COL17A1: variants seen among roughly 807,000 people sequenced by gnomAD.
COL17A1 encodes collagen alpha-1(XVII) chain.
In COL17A1, 181 loss-of-function variants were observed where a neutral mutation model predicts 218.4. The ratio of observed to expected loss-of-function variants is 0.83; its 90% confidence interval spans 0.73 to 0.94. The LOEUF is 0.94. Among genes scored for constraint, COL17A1 ranks in the 40% least tolerant of loss-of-function variants. The probability of loss-of-function intolerance (pLI) is 0.00; values close to 1 mark genes in which losing one functional copy is unlikely to be tolerated. For missense variants in COL17A1, 1,924 were observed against 1,945.9 expected (o/e 0.99, Z 0.21); for synonymous variants, 721 against 731.0 (o/e 0.99, Z 0.22).
intron 13 of COL17A1, among the ~76,000 whole-genome samples, chr10:104,060,865 C>G (rs533133064): frequency 5.2e-4 from 79 of 152,338 alleles, no homozygotes; most frequent in African/African-American, 1.8e-3. Context: ...GTGTTCACTG[C>G]TGTACTGTCA....
In COL17A1 at chr10:104,053,124, T is replaced by C. The variant is rs775911281; in HGVS notation, c.1846A>G (p.Met616Val). Reference protein sequence around the residue: ...GQKGSVGDPGMEGPMGQRGRE... With the variant: ...GQKGSVGDPGVEGPMGQRGRE... ...CCTCTCTGGCCCATGGGGCCTTCCA[T>C]GCCAGGATCTCCTAAAGACAGGGAT... The change falls in exon 23 of 56, where the codon ATG (methionine) becomes GTG (valine). Residue 616 changes from methionine (M) to valine (V), a missense_variant. Coordinates refer to ENST00000648076, the MANE Select transcript of COL17A1 (RefSeq NM_000494.4). The C allele has an allele frequency of 2.0e-5, 32 of 1,613,300 alleles. No homozygotes were observed. Among genetic ancestry groups the C allele is most frequent in the Admixed American group, 5.0e-5 (3 of 60,024 alleles).
At chr10:104,042,558 A>G in intron 35 of COL17A1, 103 bp from the exon 36 acceptor site, 1 of 1,152,120 alleles carries the variant, frequency 8.7e-7, no homozygotes. Context: ...AGACCCAAAG[A>G]GGCCACCTTG....
intron 48 of COL17A1, among the ~76,000 whole-genome samples, 160 bp downstream of exon 48, chr10:104,036,332 A>C (rs989735440): frequency 1.3e-5 from 2 of 151,034 alleles, no homozygotes; most frequent in African/African-American, 4.9e-5. Flanking sequence ...GACCTGCTCC[A>C]GGCTCACAGG....
At chr10:104,050,544 C>A (rs575838456) in intron 27 of COL17A1, 77 bp downstream of exon 27, 1 of 1,610,202 alleles carries the variant, frequency 6.2e-7, no homozygotes, top group Admixed American at 1.7e-5. Context: ...CCCTCAGACC[C>A]TACAGTGAGG....
intron 10 of COL17A1, among the ~76,000 whole-genome samples, chr10:104,064,134 A>G (rs574643122): frequency 2.3e-4 from 35 of 152,220 alleles, no homozygotes; most frequent in African/African-American, 7.5e-4. Flanking sequence ...AAGTCAAATG[A>G]CTTATTCAAG....
chr10:104,051,105 C>CTA (rs2086465018), intron 25 of COL17A1, among the ~76,000 whole-genome samples: 2 of 152,188 alleles, frequency 1.3e-5, no homozygotes, highest in Admixed American at 1.3e-4. Flanking sequence ...GATGAACAGG[C>CTA]ATTAGAACAC....
chr10:104,055,563 T>G (rs1439481925), intron 18 of COL17A1, among the ~76,000 whole-genome samples, 162 bp from the exon 19 acceptor site: 1 of 152,028 alleles, frequency 6.6e-6, no homozygotes, highest in Admixed American at 6.6e-5. Context: ...TCCAGTGATC[T>G]TGAGCAATTA....
At chr10:104,053,226 G>GGAAGGGCTCCAGGC in intron 22 of COL17A1, 91 bp from the exon 23 acceptor site, 1 of 1,472,702 alleles carries the variant, frequency 6.8e-7, no homozygotes, top group Non-Finnish European at 9.4e-7. Context: ...CGCTTGCCTG[G>GGAAGGGCTCCAGGC]AGCCCTTCCC....
chr10:104,045,836 C>G, intron 32 of COL17A1, 43 bp from the exon 33 acceptor site: 1 of 1,551,694 alleles, frequency 6.4e-7, no homozygotes, highest in Non-Finnish European at 8.9e-7. Context: ...GAAGGCCCAG[C>G]AATTCCAGAT....
Position 104,032,082 on chromosome 10 carries a change from TTGTTCAGACTAAAACAAA to T in COL17A1, c.*135_*152del, listed in dbSNP as rs1844691726. ...TTTGACTGAATTCTATAAGTATATATTGTTCAGACTAAAACAAATGTTGCTAGCTAGGTTGGCTGTGCT... is the reference window on the plus strand; with the variant it reads ...TTTGACTGAATTCTATAAGTATATATTGTTGCTAGCTAGGTTGGCTGTGCT... On this transcript the variant is annotated 3_prime_UTR_variant, in exon 56 of 56. Coordinates refer to ENST00000648076, the MANE Select transcript of COL17A1 (RefSeq NM_000494.4). 1 of 682,694 alleles carries T rather than the reference TTGTTCAGACTAAAACAAA, an allele frequency of 1.5e-6. No homozygotes were observed. Among genetic ancestry groups the T allele is most frequent in the African/African-American group, 1.8e-5 (1 of 56,760 alleles). 42.3% of individuals were successfully genotyped at this position (682,694 alleles called of 1,614,324 possible).
At chr10:104,073,724 A>C (rs553656000) in intron 6 of COL17A1, among the ~76,000 whole-genome samples, 2 of 152,190 alleles carry the variant, frequency 1.3e-5, no homozygotes, top group East Asian at 3.9e-4. Context: ...ATGGAACAAA[A>C]ACTTAAGGCC....
At chr10:104,053,653 G>C (rs2086491783) in intron 22 of COL17A1, among the ~76,000 whole-genome samples, 1 of 151,976 alleles carries the variant, frequency 6.6e-6, no homozygotes. Flanking sequence ...ACTCTCCCCA[G>C]CTCTCATTCC....
At chr10:104,040,266 C>T in intron 40 of COL17A1, 85 bp downstream of exon 40, 1 of 1,071,684 alleles carries the variant, frequency 9.3e-7, no homozygotes, top group Admixed American at 1.7e-5. Context: ...CCAGCTCATT[C>T]AGCTTCATCC....
At chr10:104,056,855 C>A in intron 17 of COL17A1, 120 bp downstream of exon 17, 2 of 1,531,170 alleles carry the variant, frequency 1.3e-6, no homozygotes, top group Non-Finnish European at 1.8e-6. Context: ...TGCACCAATG[C>A]ATTCAGGTCC....
chr10:104,055,117 AG>A, intron 19 of COL17A1, 110 bp from the exon 20 acceptor site: 1 of 1,569,750 alleles, frequency 6.4e-7, no homozygotes, highest in Non-Finnish European at 8.7e-7. Context: ...TTTCAAGGTG[AG>A]GCGACATGCG....
At chr10:104,068,277 G>A (rs1166179180) in intron 9 of COL17A1, among the ~76,000 whole-genome samples, 1 of 57,052 alleles carries the variant, frequency 1.8e-5, no homozygotes, top group Admixed American at 2.3e-4. Context: ...GAATAAAGAG[G>A]CATCAAATCA....
chr10:104,050,534 C>T (rs2134605856), intron 27 of COL17A1, 87 bp downstream of exon 27: 2 of 1,607,584 alleles, frequency 1.2e-6, no homozygotes, highest in Non-Finnish European at 1.7e-6. Flanking sequence ...GTCCTGTGCA[C>T]CCTCAGACCC....
chr10:104,032,540 C>T, intron 55 of COL17A1, 134 bp downstream of exon 55: 1 of 962,484 alleles, frequency 1.0e-6, no homozygotes, highest in Non-Finnish European at 1.7e-6. Flanking sequence ...CTGCTTTTGG[C>T]AGTGTCTGCC....
chr10:104,036,445 C>T lies in COL17A1; in HGVS notation c.3418+47G>A, dbSNP rs185984612. The T allele has an allele frequency of 3.8e-3, 6,157 of 1,612,710 alleles. 33 individuals are homozygous for T. The highest frequency in any genetic ancestry group is 0.014 in the South Asian group (1,236 of 91,004). ...GAAGTTCACGCTGCGAGTCCTCATC[C>T]CAGTCATCCCAGGCCCTTCCCAACC... On this transcript the variant is annotated intron_variant, in intron 48 of 55. Transcript: ENST00000648076.
Sources: gnomAD v4.1 joint callset for allele counts (sites outside exome capture counted in the v4.1 genomes callset) on GRCh38, gnomAD v4.1.1 for gene constraint, MANE v1.5 for transcripts, NCBI Gene and HGNC (gene_info 2026-07-23, HGNC 2026-07-21) for gene names.